The following MPHOSPH9 variants were observed in gnomAD, a reference collection of about 807,000 sequenced individuals.
MPHOSPH9 encodes M-phase phosphoprotein 9.
A neutral mutation model predicts 145.5 loss-of-function variants in MPHOSPH9; 88 were observed. That is an observed-to-expected ratio of 0.60 (90% CI 0.51 to 0.72). The LOEUF is 0.72. Ranked by LOEUF, MPHOSPH9 falls within the 30% of genes least tolerant of loss-of-function variation. MPHOSPH9 has a pLI of 0.00. For missense variants in MPHOSPH9, 1,238 were observed against 1,386.6 expected (o/e 0.89, Z 1.70); for synonymous variants, 435 against 486.2 (o/e 0.89, Z 1.39).
chr12:123,198,173 A>G, intron 12 of MPHOSPH9, 74 bp downstream of exon 12: 1 of 1,134,798 alleles, frequency 8.8e-7, no homozygotes, highest in Non-Finnish European at 1.3e-6. Flanking sequence ...TAAAAAGACA[A>G]GAAACATAAC....
chr12:123,202,106 C>A, intron 11 of MPHOSPH9, 58 bp downstream of exon 11: 1 of 1,458,330 alleles, frequency 6.9e-7, no homozygotes, highest in Non-Finnish European at 9.2e-7. Flanking sequence ...CATTATACTT[C>A]TGTGAAAATA....
Position 123,164,007 on chromosome 12 carries a change from A to C in MPHOSPH9, c.2851T>G (p.Ser951Ala). ...CAQQRQKRLN[S>A]ASQRSSSLPP... is the part of the protein sequence containing the mutation. ...AAAGATGATGATCTCTGTGAGGCCGAATTAAGTCTCTTTTGTCTCTGTTGG... is the reference window on the plus strand; with the variant it reads ...AAAGATGATGATCTCTGTGAGGCCGCATTAAGTCTCTTTTGTCTCTGTTGG... The change falls in exon 19 of 24, where the codon TCG becomes GCG. Residue 951 changes from serine (S) to alanine (A), a missense_variant. By Grantham distance (99) the Ser-to-Ala change is moderately conservative. Transcript: ENST00000606320. 6.2e-7 allele frequency: 1 copy of C among 1,614,146 alleles called. No homozygotes were observed. Among genetic ancestry groups the C allele is most frequent in the Non-Finnish European group, 8.5e-7 (1 of 1,180,018 alleles).
intron 8 of MPHOSPH9, among the ~76,000 whole-genome samples, chr12:123,208,319 A>C (rs780054645): frequency 6.6e-6 from 1 of 151,786 alleles, no homozygotes; most frequent in Non-Finnish European, 1.5e-5. Context: ...CAAGCAAATC[A>C]CGAGGTCAAG....
chr12:123,190,044 A>G (rs1382050070), intron 13 of MPHOSPH9, among the ~76,000 whole-genome samples: 3 of 152,178 alleles, frequency 2.0e-5, no homozygotes, highest in East Asian at 3.8e-4. Flanking sequence ...GACCATACAA[A>G]GACAAGGTAA....
At chr12:123,195,573 G>A (rs1327161729) in intron 12 of MPHOSPH9, among the ~76,000 whole-genome samples, 1 of 151,158 alleles carries the variant, frequency 6.6e-6, no homozygotes, top group African/African-American at 2.4e-5. Flanking sequence ...GTGACAGAGT[G>A]AGACTCTGTC....
chr12:123,193,685 T>C (rs2138246054), intron 13 of MPHOSPH9, among the ~76,000 whole-genome samples: 1 of 152,306 alleles, frequency 6.6e-6, no homozygotes, highest in South Asian at 2.1e-4. Flanking sequence ...TTCAATGTTA[T>C]ACAAATCCAA....
At chr12:123,198,394 C>G in intron 11 of MPHOSPH9, 60 bp from the exon 12 acceptor site, 1 of 1,318,946 alleles carries the variant, frequency 7.6e-7, no homozygotes, top group Non-Finnish European at 1.1e-6. Flanking sequence ...AAAAGTATTA[C>G]ATAAATCTAA....
Position 123,154,267 on chromosome 12 carries a change from G to C in MPHOSPH9, c.*2540C>G, listed in dbSNP as rs374578018. 121 of 149,044 alleles carry C rather than the reference G, an allele frequency of 8.1e-4. 2 individuals are homozygous for C. Among genetic ancestry groups the C allele is most frequent in the African/African-American group, 2.9e-3 (116 of 40,502 alleles). 9.2% of individuals were successfully genotyped at this position (149,044 alleles called of 1,614,324 possible). On this transcript the variant is annotated 3_prime_UTR_variant, in exon 24 of 24. Coordinates refer to ENST00000606320, the MANE Select transcript of MPHOSPH9 (RefSeq NM_022782.4). The stretch of plus-strand genomic sequence containing the variant: ...ATTAATACCTGCAGCAAAGCCCCAA[G>C]CCAACAACAAAAATAGTTTATACCC...
intron 13 of MPHOSPH9, among the ~76,000 whole-genome samples, chr12:123,192,197 T>C (rs1347837629): frequency 2.0e-5 from 3 of 152,110 alleles, no homozygotes; most frequent in Non-Finnish European, 4.4e-5. Flanking sequence ...GTAATCCCTG[T>C]AATCCCTGCA....
intron 15 of MPHOSPH9, among the ~76,000 whole-genome samples, chr12:123,179,716 TAA>T (rs11380874): frequency 9.3e-5 from 12 of 128,744 alleles, no homozygotes; most frequent in Admixed American, 2.5e-4. Context: ...CCTGTCTCTT[TAA>T]AAAAAAAAAA....
At chr12:123,205,286 C>A (rs143220822) in intron 8 of MPHOSPH9, among the ~76,000 whole-genome samples, 85 of 152,330 alleles carry the variant, frequency 5.6e-4, no homozygotes, top group African/African-American at 1.9e-3. Context: ...TGGCTCACGC[C>A]TGTAATCCCA....
intron 13 of MPHOSPH9, among the ~76,000 whole-genome samples, chr12:123,186,558 C>G (rs1316872759): frequency 2.6e-5 from 4 of 152,154 alleles, no homozygotes; most frequent in East Asian, 1.9e-4. Flanking sequence ...GCCTTCAAAT[C>G]TGAAGAAAAC....
chr12:123,241,394 A>G (rs2047934951), intron 1 of MPHOSPH9, among the ~76,000 whole-genome samples: 1 of 151,910 alleles, frequency 6.6e-6, no homozygotes, highest in Non-Finnish European at 1.5e-5. Flanking sequence ...CTGGAGCGCA[A>G]TGGCGTGATC....
chr12:123,214,307 G>A (rs1035451252), intron 7 of MPHOSPH9, among the ~76,000 whole-genome samples: 1 of 152,156 alleles, frequency 6.6e-6, no homozygotes, highest in African/African-American at 2.4e-5. Context: ...GAGAAACCGA[G>A]GCTGGTGGAT....
chr12:123,230,084 G>A (rs1565981489), intron 2 of MPHOSPH9, 177 bp downstream of exon 2: 1 of 439,370 alleles, frequency 2.3e-6, no homozygotes, highest in Non-Finnish European at 4.1e-6. Context: ...AGCCTACCAA[G>A]GTGCTGGGAT....
intron 18 of MPHOSPH9, among the ~76,000 whole-genome samples, chr12:123,164,887 T>C (rs1433518480): frequency 6.6e-6 from 1 of 152,072 alleles, no homozygotes. Context: ...AGGGCACCTG[T>C]AATTCTAGGT....
intron 12 of MPHOSPH9, among the ~76,000 whole-genome samples, chr12:123,197,709 G>C (rs1344351052): frequency 6.6e-6 from 1 of 151,572 alleles, no homozygotes; most frequent in Non-Finnish European, 1.5e-5. Context: ...CTGAACCTGG[G>C]AGGCGAAGGT....
upstream of MPHOSPH9, among the ~76,000 whole-genome samples, chr12:123,234,625 G>C (rs1384204382): frequency 6.6e-6 from 1 of 152,128 alleles, no homozygotes; most frequent in African/African-American, 2.4e-5. Context: ...TCGAATTCCT[G>C]ACCTCAGGTC....
chr12:123,211,071 G>A (rs923864711), intron 7 of MPHOSPH9, among the ~76,000 whole-genome samples: 7 of 132,490 alleles, frequency 5.3e-5, no homozygotes, highest in African/African-American at 2.0e-4. Context: ...TGCAACCTCC[G>A]CCTCCCAGGT....
Sources: allele counts gnomAD v4.1 joint callset (sites outside exome capture counted in the v4.1 genomes callset), GRCh38; gene constraint gnomAD v4.1.1; transcripts MANE v1.5; gene names NCBI Gene and HGNC (gene_info 2026-07-23, HGNC 2026-07-21).